Variants in STXBP5L observed in about 807,000 individuals in gnomAD.
STXBP5L encodes the protein syntaxin binding protein 5L.
A neutral mutation model predicts 144.5 loss-of-function variants in STXBP5L; 65 were observed. The ratio of observed to expected loss-of-function variants is 0.45; its 90% CI spans 0.37 to 0.55. The LOEUF is 0.55. Ranked by LOEUF, STXBP5L falls within the 20% of genes least tolerant of loss-of-function variation. STXBP5L has a pLI of 0.00. For missense variants in STXBP5L, 1,298 were observed against 1,405.5 expected (o/e 0.92, Z 1.22); for synonymous variants, 505 against 469.6 (o/e 1.08, Z -0.97).
At chr3:121,078,526 C>A (rs965665610) in intron 5 of STXBP5L, among the ~76,000 whole-genome samples, 1 of 152,254 alleles carries the variant, frequency 6.6e-6, no homozygotes, top group African/African-American at 2.4e-5. Flanking sequence ...CCGTGCCATG[C>A]GCCCGCACTC....
intron 10 of STXBP5L, among the ~76,000 whole-genome samples, chr3:121,222,412 T>G (rs1402997396): frequency 6.6e-6 from 1 of 152,108 alleles, no homozygotes; most frequent in Non-Finnish European, 1.5e-5. Flanking sequence ...ACAAGTAAAA[T>G]AGAAAAGGCA....
At chr3:121,380,524 T>C (rs2046299147) in intron 21 of STXBP5L, among the ~76,000 whole-genome samples, 1 of 152,026 alleles carries the variant, frequency 6.6e-6, no homozygotes, top group Admixed American at 6.6e-5. Context: ...CACTGAGCTG[T>C]ATGAGTTTAT....
chr3:121,079,813 T>G (rs1576881048), intron 5 of STXBP5L, among the ~76,000 whole-genome samples: 1 of 152,220 alleles, frequency 6.6e-6, no homozygotes, highest in African/African-American at 2.4e-5. Context: ...TTGGGAAGAA[T>G]GTTCTGTTAA....
At chr3:121,195,464 C>T (rs1294073179) in intron 9 of STXBP5L, among the ~76,000 whole-genome samples, 2 of 152,158 alleles carry the variant, frequency 1.3e-5, no homozygotes, top group Non-Finnish European at 2.9e-5. Context: ...CTCGCAACCA[C>T]CATTCTACTT....
chr3:121,006,212 C>A (rs1379867706), intron 3 of STXBP5L, among the ~76,000 whole-genome samples: 1 of 152,244 alleles, frequency 6.6e-6, no homozygotes, highest in South Asian at 2.1e-4. Flanking sequence ...TCTCTAAGGA[C>A]TTGCTTTGTG....
At chr3:121,204,094 C>G (rs970395444) in intron 9 of STXBP5L, among the ~76,000 whole-genome samples, 4 of 152,100 alleles carry the variant, frequency 2.6e-5, no homozygotes, top group African/African-American at 9.7e-5. Flanking sequence ...AAAAAATTAG[C>G]CGGGCATGGT....
At chr3:121,224,561 G>T (rs1019724402) in intron 11 of STXBP5L, among the ~76,000 whole-genome samples, 6 of 152,140 alleles carry the variant, frequency 3.9e-5, no homozygotes, top group African/African-American at 1.4e-4. Context: ...GACTTGTTAA[G>T]TTTAAGTAAT....
chr3:121,275,229 T>C (rs2050845387), intron 18 of STXBP5L, among the ~76,000 whole-genome samples: 1 of 152,170 alleles, frequency 6.6e-6, no homozygotes. Flanking sequence ...ATTCTAGGTC[T>C]ATTATACTTC....
chr3:121,403,432 T>A (rs776186736), intron 22 of STXBP5L, among the ~76,000 whole-genome samples: 1 of 152,174 alleles, frequency 6.6e-6, no homozygotes, highest in Non-Finnish European at 1.5e-5. Context: ...TGCTTTCACC[T>A]ACTTAAGAAA....
rs950327988 is a variant in STXBP5L, at chr3:121,064,336, G to T, written c.470+18801G>T. ...AACCAGTCCCAGTGAGATGAGCTGAGTACCTCAGTTCAAAATGCAGAAATG... is the reference window on the plus strand; with the variant it reads ...AACCAGTCCCAGTGAGATGAGCTGATTACCTCAGTTCAAAATGCAGAAATG... On this transcript the variant is annotated intron_variant, in intron 5 of 26. Transcript: ENST00000471454. Among the ~76,000 whole-genome samples, 13 of 152,314 alleles carry T rather than the reference G, an allele frequency of 8.5e-5. 1 individual carries two copies. The East Asian group carries it at 2.3e-3, about 27-fold the overall frequency.
chr3:121,176,712 C>A (rs1280252026), intron 9 of STXBP5L, among the ~76,000 whole-genome samples: 1 of 151,584 alleles, frequency 6.6e-6, no homozygotes, highest in African/African-American at 2.4e-5. Context: ...GATAAAATTA[C>A]AAAGAACAAA....
intron 7 of STXBP5L, among the ~76,000 whole-genome samples, chr3:121,142,391 T>G (rs1234374189): frequency 6.6e-6 from 1 of 151,962 alleles, no homozygotes; most frequent in Non-Finnish European, 1.5e-5. Flanking sequence ...TCAATAACAC[T>G]ATAGACCAAA....
At chr3:121,196,931 C>A (rs1204545841) in intron 9 of STXBP5L, among the ~76,000 whole-genome samples, 2 of 152,176 alleles carry the variant, frequency 1.3e-5, no homozygotes, top group Non-Finnish European at 2.9e-5. Context: ...AATCTTTCCA[C>A]CCCAGCCTCC....
At chr3:121,317,527 G>A (rs1247329866) in intron 19 of STXBP5L, among the ~76,000 whole-genome samples, 1 of 152,072 alleles carries the variant, frequency 6.6e-6, no homozygotes, top group Non-Finnish European at 1.5e-5. Flanking sequence ...GAAAGAATAG[G>A]AACAAAGATT....
At chr3:121,342,781 A>C (rs914131868) in intron 20 of STXBP5L, among the ~76,000 whole-genome samples, 2 of 145,874 alleles carry the variant, frequency 1.4e-5, no homozygotes, top group Admixed American at 1.4e-4. Context: ...AGTCTTTGCT[A>C]TTGTGAATAG....
In STXBP5L at chr3:121,376,567, C is replaced by T. The variant is rs143556642; in HGVS notation, c.2177-2149C>T. On this transcript the variant is annotated intron_variant, in intron 20 of 26. Coordinates refer to ENST00000471454, the MANE Select transcript of STXBP5L (RefSeq NM_001308330.2). ...TAGATGTGTGGTATTATTTCTGAGG[C>T]CTCTGTTGTGTTCCACTGGTCTATA... Among the ~76,000 whole-genome samples, 1,473 of 152,192 alleles carry T rather than the reference C, an allele frequency of 9.7e-3. 23 individuals carry two copies. The highest frequency in any genetic ancestry group is 0.034 in the African/African-American group (1,403 of 41,520).
At chr3:121,364,480 T>C (rs1429884198) in intron 20 of STXBP5L, among the ~76,000 whole-genome samples, 1 of 145,248 alleles carries the variant, frequency 6.9e-6, no homozygotes, top group South Asian at 2.1e-4. Flanking sequence ...GTTCTATATC[T>C]GCAAAAAAAA....
intron 3 of STXBP5L, among the ~76,000 whole-genome samples, chr3:120,981,933 T>C (rs1224175681): frequency 2.6e-5 from 4 of 152,196 alleles, no homozygotes; most frequent in Admixed American, 6.5e-5. Flanking sequence ...CAAGGTACTG[T>C]ATGAGTTCCT....
At position 121,257,286 on chromosome 3, in the gene STXBP5L, C is replaced by T. The variant is rs769142179; in HGVS notation, c.1785C>T (p.Asn595=). ...PSSRSLSGST[N]TVASEGVTKD... Reference sequence around the variant, plus strand: ...CAAGGAGTCTTTCTGGGAGCACTAACACTGTTGCTAGTGAAGGAGTAACAA... The same window carrying T: ...CAAGGAGTCTTTCTGGGAGCACTAATACTGTTGCTAGTGAAGGAGTAACAA... The change falls in exon 17 of 27, where the codon AAC becomes AAT. Residue 595 remains asparagine (N), a synonymous_variant. Coordinates refer to ENST00000471454, the MANE Select transcript of STXBP5L (RefSeq NM_001308330.2). 5 of 1,613,486 alleles carry T rather than the reference C, an allele frequency of 3.1e-6. No individual in the cohort carries two copies. In the East Asian group the frequency reaches 8.9e-5, roughly 29 times the overall value.
Sources: gnomAD v4.1 joint callset for allele counts (sites outside exome capture counted in the v4.1 genomes callset) on GRCh38, gnomAD v4.1.1 for gene constraint, MANE v1.5 for transcripts, NCBI Gene and HGNC (gene_info 2026-07-23, HGNC 2026-07-21) for gene names.